FBXO16: variants seen among roughly 807,000 people sequenced by gnomAD.
The protein encoded by FBXO16 is F-box protein 16.
FBXO16 carries 31 observed loss-of-function variants against 41.0 expected under a neutral mutation model. The observed-to-expected ratio is 0.76, with a 90% CI of 0.57 to 1.02. The LOEUF (loss-of-function observed/expected upper bound fraction) is 1.02. Ranked by LOEUF, FBXO16 falls within the 50% of genes least tolerant of loss-of-function variation. The pLI is 0.00. For synonymous variants in FBXO16, 133 were observed against 117.8 expected, an observed-to-expected ratio of 1.13 and a Z score of -0.84; for missense variants, 361 against 346.2, an observed-to-expected ratio of 1.04 and a Z score of -0.34.
intron 7 of FBXO16, among the ~76,000 whole-genome samples, chr8:28,443,760 T>G (rs1412393410): frequency 6.6e-6 from 1 of 151,996 alleles, no homozygotes; most frequent in Non-Finnish European, 1.5e-5. Flanking sequence ...TAAAACAGGT[T>G]GCAATAAAAA....
intron 7 of FBXO16, among the ~76,000 whole-genome samples, chr8:28,441,622 G>C (rs111868363): frequency 0.051 from 7,693 of 151,472 alleles, 639 homozygotes; most frequent in African/African-American, 0.18. Flanking sequence ...TGTAGTCCCA[G>C]CTACTCAGGA....
At chr8:28,435,263 CA>C (rs1488455738) in intron 7 of FBXO16, among the ~76,000 whole-genome samples, 10 of 152,034 alleles carry the variant, frequency 6.6e-5, no homozygotes, top group African/African-American at 2.4e-4. Flanking sequence ...CTCTGCCTCC[CA>C]AGTTCAAGTG....
chr8:28,467,025 T>C (rs769766077), intron 3 of FBXO16, among the ~76,000 whole-genome samples: 1 of 152,138 alleles, frequency 6.6e-6, no homozygotes, highest in Non-Finnish European at 1.5e-5. Flanking sequence ...CACTACAGCC[T>C]CGATCTCCTG....
In FBXO16 at chr8:28,428,424, C is replaced by A; in HGVS notation, c.*303G>T. The stretch of plus-strand genomic sequence containing the variant: ...CTGTCCACATTTATGCCATGAATTC[C>A]TTTTTACTGAAATACCGTAGGACTC... On this transcript the variant is annotated 3_prime_UTR_variant, in exon 9 of 9. Coordinates refer to ENST00000380254, the MANE Select transcript of FBXO16 (RefSeq NM_172366.4). The A allele has an allele frequency of 1.3e-6, 1 of 769,334 alleles. No homozygotes were observed. Among genetic ancestry groups the A allele is most frequent in the Non-Finnish European group, 2.0e-6 (1 of 509,988 alleles). The allele number at this position is 769,334 out of a possible 1,614,324, so 47.7% of individuals were successfully genotyped here.
chr8:28,483,060 G>A (rs868304808), intron 2 of FBXO16, among the ~76,000 whole-genome samples: 60 of 152,248 alleles, frequency 3.9e-4, no homozygotes, highest in African/African-American at 1.3e-3. Context: ...TTCCAGGGGA[G>A]AACAAGTGAT....
At chr8:28,463,368 A>G (rs754287472) in intron 4 of FBXO16, among the ~76,000 whole-genome samples, 14 of 140,716 alleles carry the variant, frequency 9.9e-5, no homozygotes, top group Admixed American at 5.3e-4. Context: ...ATATGTGTGT[A>G]TATGTGTGTG....
chr8:28,467,668 T>C (rs1364629211), intron 3 of FBXO16, among the ~76,000 whole-genome samples: 1 of 152,228 alleles, frequency 6.6e-6, no homozygotes, highest in African/African-American at 2.4e-5. Flanking sequence ...GGTTAGCTCA[T>C]CTACTTTCCC....
intron 7 of FBXO16, among the ~76,000 whole-genome samples, chr8:28,438,894 G>A (rs1802722743): frequency 6.6e-6 from 1 of 152,072 alleles, no homozygotes; most frequent in African/African-American, 2.4e-5. Context: ...GAGGTCAGGA[G>A]TTTGAGACCA....
chr8:28,464,874 G>A (rs898766649), intron 3 of FBXO16, among the ~76,000 whole-genome samples: 4 of 152,052 alleles, frequency 2.6e-5, no homozygotes, highest in African/African-American at 9.7e-5. Context: ...GGCTGGTCTC[G>A]AACTTCTGAC....
At chr8:28,445,373 G>C (rs1802847634) in intron 7 of FBXO16, among the ~76,000 whole-genome samples, 1 of 152,128 alleles carries the variant, frequency 6.6e-6, no homozygotes, top group Non-Finnish European at 1.5e-5. Context: ...AAGCCCATGG[G>C]GATGGCTTAG....
At chr8:28,461,469 T>G (rs1412166803) in intron 4 of FBXO16, among the ~76,000 whole-genome samples, 1 of 152,186 alleles carries the variant, frequency 6.6e-6, no homozygotes, top group African/African-American at 2.4e-5. Context: ...AGGCTAAGCA[T>G]CTTACATATT....
At position 28,428,438 on chromosome 8, in the gene FBXO16, A is replaced by G. The variant is rs2130063381; in HGVS notation, c.*289T>C. 1 of 842,118 alleles carries G rather than the reference A, an allele frequency of 1.2e-6. No homozygotes were observed. Among genetic ancestry groups the G allele is most frequent in the Non-Finnish European group, 1.7e-6 (1 of 575,824 alleles). 52.2% of individuals were successfully genotyped at this position (842,118 alleles called of 1,614,324 possible). On this transcript the variant is annotated 3_prime_UTR_variant, in exon 9 of 9. Transcript: ENST00000380254. ...GCCATGAATTCCTTTTTACTGAAATACCGTAGGACTCACTACCACAATAAG... is the reference window on the plus strand; with the variant it reads ...GCCATGAATTCCTTTTTACTGAAATGCCGTAGGACTCACTACCACAATAAG...
chr8:28,478,701 C>T (rs1033381645), intron 2 of FBXO16, among the ~76,000 whole-genome samples: 1 of 151,422 alleles, frequency 6.6e-6, no homozygotes, highest in Non-Finnish European at 1.5e-5. Context: ...TGGGTGCCTG[C>T]AATCCCAGCT....
Position 28,489,119 on chromosome 8 carries a change from C to G in FBXO16, c.-17+1067G>C, listed in dbSNP as rs559260221. Among the ~76,000 whole-genome samples, 442 of 152,228 alleles carry G rather than the reference C, an allele frequency of 2.9e-3. 5 individuals are homozygous for G. Among genetic ancestry groups the G allele is most frequent in the African/African-American group, 9.9e-3 (412 of 41,524 alleles). On this transcript the variant is annotated intron_variant, in intron 1 of 8. Coordinates refer to ENST00000380254, the MANE Select transcript of FBXO16 (RefSeq NM_172366.4). ...GGCTGAGGTGGGTGAATCACCTGAGCTCAGGAGTTCAAGACCAGCCTGGGC... is the reference window on the plus strand; with the variant it reads ...GGCTGAGGTGGGTGAATCACCTGAGGTCAGGAGTTCAAGACCAGCCTGGGC...
At chr8:28,472,508 G>C (rs1008798819) in intron 3 of FBXO16, among the ~76,000 whole-genome samples, 1 of 152,070 alleles carries the variant, frequency 6.6e-6, no homozygotes, top group African/African-American at 2.4e-5. Flanking sequence ...GTCAAGGGGG[G>C]GCGGGGTGGA....
chr8:28,468,809 C>G (rs989511784), intron 3 of FBXO16, among the ~76,000 whole-genome samples: 1 of 151,278 alleles, frequency 6.6e-6, no homozygotes, highest in East Asian at 2.0e-4. Context: ...GATCACGCCA[C>G]TGCACTCAAG....
intron 4 of FBXO16, among the ~76,000 whole-genome samples, chr8:28,459,645 A>AATG (rs1803093558): frequency 6.8e-6 from 1 of 146,870 alleles, no homozygotes; most frequent in Non-Finnish European, 1.5e-5. Context: ...TAATAATAAT[A>AATG]ATAATAATAA....
At chr8:28,439,051 C>A (rs1167548226) in intron 7 of FBXO16, among the ~76,000 whole-genome samples, 3 of 149,948 alleles carry the variant, frequency 2.0e-5, no homozygotes, top group Non-Finnish European at 3.0e-5. Context: ...AGTGAGATGG[C>A]CCCACTGCAC....
intron 1 of FBXO16, among the ~76,000 whole-genome samples, chr8:28,483,931 C>T (rs963278477): frequency 6.6e-6 from 1 of 152,160 alleles, no homozygotes; most frequent in East Asian, 1.9e-4. Context: ...TGTTATATGT[C>T]AAGCACTTCA....
Sources: allele counts gnomAD v4.1 joint callset (sites outside exome capture counted in the v4.1 genomes callset), GRCh38; gene constraint gnomAD v4.1.1; transcripts MANE v1.5; gene names NCBI Gene and HGNC (gene_info 2026-07-23, HGNC 2026-07-21).